The following DUS4L variants were observed in gnomAD, a reference collection of about 807,000 sequenced individuals.
The protein encoded by DUS4L is tRNA-dihydrouridine(20a/20b) synthase [NAD(P)+]-like.
DUS4L carries 31 observed loss-of-function variants against 33.8 expected under a neutral mutation model. The observed-to-expected ratio is 0.92, with a 90% confidence interval of 0.69 to 1.24. The LOEUF (loss-of-function observed/expected upper bound fraction) is 1.24, where lower values mean the gene tolerates loss of function less well. Among genes scored for constraint, DUS4L ranks in the 50% most tolerant of loss-of-function variants. DUS4L has a pLI of 0.00. For synonymous variants in DUS4L, 103 were observed against 120.3 expected, an observed-to-expected ratio of 0.86 and a Z score of 0.94; for missense variants, 368 against 388.6, an observed-to-expected ratio of 0.95 and a Z score of 0.45.
Position 107,567,062 on chromosome 7 carries a change from T to C in DUS4L, c.-9T>C, listed in dbSNP as rs765804979. On this transcript the variant is annotated 5_prime_UTR_variant, in exon 3 of 8. Transcript: ENST00000265720. ...TTGTCTTTTTCAGATTTGAAACATA[T>C]CTGTATTAATGAAGAGTGACTGCAT... is the stretch of plus-strand genomic sequence containing the variant. 2.7e-5 allele frequency: 43 copies of C among 1,602,898 alleles called. No homozygotes were observed. The highest frequency in any genetic ancestry group is 3.5e-5 in the Non-Finnish European group (41 of 1,172,574).
rs1333838712 is a variant in DUS4L at position 107,577,948 on chromosome 7, TTAAC to T, written c.*389_*392del. 1.9e-5 allele frequency: 3 copies of T among 154,874 alleles called. No individual in the cohort carries two copies. Among genetic ancestry groups the T allele is most frequent in the African/African-American group, 7.2e-5 (3 of 41,456 alleles). 9.6% of individuals were successfully genotyped at this position (154,874 alleles called of 1,614,324 possible). A position where few individuals can be genotyped will look rare whatever the true frequency, so the allele number is the denominator to read the frequency against. Reference sequence around the variant, plus strand: ...AATTATGGCTTATAGTATCTATAAATTAACAAGAAGTATGCAGGTGCAAAAAAGT... The same window carrying T: ...AATTATGGCTTATAGTATCTATAAATAAGAAGTATGCAGGTGCAAAAAAGT... On this transcript the variant is annotated 3_prime_UTR_variant, in exon 8 of 8. Transcript: ENST00000265720.
In DUS4L at chr7:107,577,453, A is replaced by T. The variant is rs760174336; in HGVS notation, c.847A>T (p.Met283Leu). ...TPYMCFHQHL[M>L]YMMEKITSRQ... Reference sequence around the variant, plus strand: ...TTACATGTGTTTCCATCAACATTTAATGTACATGATGGAAAAGATAACTTC... The same window carrying T: ...TTACATGTGTTTCCATCAACATTTATTGTACATGATGGAAAAGATAACTTC... The change falls in exon 8 of 8, where the codon ATG becomes TTG. Residue 283 changes from methionine to leucine, a missense_variant. By Grantham distance (15) the Met-to-Leu change is conservative (BLOSUM62 2). Transcript: ENST00000265720. 4.3e-6 allele frequency: 7 copies of T among 1,614,194 alleles called. No homozygotes were observed. Among genetic ancestry groups the T allele is most frequent in the Non-Finnish European group, 5.9e-6 (7 of 1,180,034 alleles).
In DUS4L at chr7:107,575,328, A is replaced by T. The variant is rs139312743; in HGVS notation, c.479+18A>T. Reference sequence around the variant, plus strand: ...AAAATAAGGTAAAGACAATATTTCAATCTATTGATAGGATAATCCATTACT... The same window carrying T: ...AAAATAAGGTAAAGACAATATTTCATTCTATTGATAGGATAATCCATTACT... On this transcript the variant is annotated intron_variant, in intron 6 of 7. Coordinates refer to ENST00000265720, the MANE Select transcript of DUS4L (RefSeq NM_181581.3). 7 of 1,607,156 alleles carry T rather than the reference A, an allele frequency of 4.4e-6. No homozygotes were observed. The highest frequency in any genetic ancestry group is 1.7e-4 in the Middle Eastern group (1 of 6,008).
rs1298736256 is a variant in DUS4L, at chr7:107,568,889, C to T, written c.116+1703C>T. 4.6e-5 allele frequency among the ~76,000 whole-genome samples: 7 copies of T among 152,318 alleles called. No individual in the cohort carries two copies. In the East Asian group the frequency reaches 9.7e-4, roughly 21 times the overall value. Reference sequence around the variant, plus strand: ...TAGGTTGCCTATGGATGTCCAATTACTCCAGCATCATTTTTGAAAGGCTAT... The same window carrying T: ...TAGGTTGCCTATGGATGTCCAATTATTCCAGCATCATTTTTGAAAGGCTAT... On this transcript the variant is annotated intron_variant, in intron 3 of 7. Coordinates refer to ENST00000265720, the MANE Select transcript of DUS4L (RefSeq NM_181581.3).
intron 3 of DUS4L, among the ~76,000 whole-genome samples, chr7:107,568,092 C>T (rs530480623): frequency 2.0e-5 from 3 of 152,274 alleles, no homozygotes; most frequent in East Asian, 3.9e-4. Context: ...TTGGCTACTG[C>T]AAATAATACT....
At chr7:107,571,868 C>T (rs1252677611) in intron 4 of DUS4L, among the ~76,000 whole-genome samples, 1 of 152,156 alleles carries the variant, frequency 6.6e-6, no homozygotes, top group East Asian at 1.9e-4. Flanking sequence ...TCAGTTTCTC[C>T]CCACACCCCA....
At chr7:107,566,312 G>A (rs1804688537) in intron 2 of DUS4L, among the ~76,000 whole-genome samples, 1 of 151,958 alleles carries the variant, frequency 6.6e-6, no homozygotes, top group Non-Finnish European at 1.5e-5. Flanking sequence ...CTGTTTCTAA[G>A]TTACTGAGGC....
At chr7:107,564,283 G>GT (rs1361035630) in intron 1 of DUS4L, 74 bp downstream of exon 1, 9 of 494,862 alleles carry the variant, frequency 1.8e-5, no homozygotes, top group Admixed American at 3.4e-5. Context: ...GCCGCGCGGC[G>GT]TAAGGCAGGA....
intron 4 of DUS4L, 144 bp downstream of exon 4, chr7:107,571,410 T>C (rs1805221781): frequency 8.1e-7 from 1 of 1,229,808 alleles, no homozygotes; most frequent in South Asian, 1.6e-5. Flanking sequence ...ATTTTTTACA[T>C]GTTATTACTG....
At chr7:107,576,877 G>A in intron 7 of DUS4L, 1 of 325,614 alleles carries the variant, frequency 3.1e-6, no homozygotes, top group Middle Eastern at 9.1e-4. Context: ...AAAGCACCTA[G>A]AAATAAGAGT....
At position 107,564,088 on chromosome 7, in the gene DUS4L, G is replaced by C; in HGVS notation, c.-232G>C. The C allele has an allele frequency of 7.6e-7, 1 of 1,319,626 alleles. No individual in the cohort carries two copies. Among genetic ancestry groups the C allele is most frequent in the Non-Finnish European group, 1.0e-6 (1 of 953,590 alleles). The allele number at this position is 1,319,626 out of a possible 1,614,324, so 81.7% of individuals were successfully genotyped here. On this transcript the variant is annotated 5_prime_UTR_variant, in exon 1 of 8. Coordinates refer to ENST00000265720, the MANE Select transcript of DUS4L (RefSeq NM_181581.3). Reference sequence around the variant, plus strand: ...CTCGAGCAGTGGGCGCCCAGGGTCCGAGTGCTCTGCGCCCAGCGCACCGAG... The same window carrying C: ...CTCGAGCAGTGGGCGCCCAGGGTCCCAGTGCTCTGCGCCCAGCGCACCGAG...
At chr7:107,569,080 A>G (rs908993736) in intron 3 of DUS4L, among the ~76,000 whole-genome samples, 20 of 152,198 alleles carry the variant, frequency 1.3e-4, no homozygotes, top group African/African-American at 4.6e-4. Flanking sequence ...GGCGCATGCC[A>G]ATAGTCCCAG....
intron 3 of DUS4L, among the ~76,000 whole-genome samples, chr7:107,569,184 C>G (rs1804975421): frequency 6.6e-6 from 1 of 152,154 alleles, no homozygotes; most frequent in Non-Finnish European, 1.5e-5. Context: ...GCCTGGGCAA[C>G]AAGAGTAAAA....
chr7:107,568,296 C>T (rs1354770407), intron 3 of DUS4L, among the ~76,000 whole-genome samples: 2 of 152,198 alleles, frequency 1.3e-5, no homozygotes, highest in African/African-American at 2.4e-5. Context: ...TGTTACCTTA[C>T]CACCAGCAGT....
In DUS4L at chr7:107,564,102, C is replaced by T. The variant is rs978790855; in HGVS notation, c.-218C>T. On this transcript the variant is annotated 5_prime_UTR_variant, in exon 1 of 8. Coordinates refer to ENST00000265720, the MANE Select transcript of DUS4L (RefSeq NM_181581.3). Reference sequence around the variant, plus strand: ...GCCCAGGGTCCGAGTGCTCTGCGCCCAGCGCACCGAGGGAGCCAAGGCCGT... The same window carrying T: ...GCCCAGGGTCCGAGTGCTCTGCGCCTAGCGCACCGAGGGAGCCAAGGCCGT... 8.9e-6 allele frequency: 11 copies of T among 1,233,580 alleles called. No individual in the cohort carries two copies. The highest frequency in any genetic ancestry group is 1.2e-5 in the Non-Finnish European group (11 of 880,742). The allele number at this position is 1,233,580 out of a possible 1,614,324, so 76.4% of individuals were successfully genotyped here. A position where few individuals can be genotyped will look rare whatever the true frequency, so the allele number is the denominator to read the frequency against.
chr7:107,569,301 C>CT (rs1236638816), intron 3 of DUS4L, among the ~76,000 whole-genome samples: 3 of 152,206 alleles, frequency 2.0e-5, no homozygotes, highest in Admixed American at 6.5e-5. Flanking sequence ...GATCTTGTAT[C>CT]TTTTTCCCCA....
chr7:107,571,346 C>T, intron 4 of DUS4L, 80 bp downstream of exon 4: 9 of 1,511,118 alleles, frequency 6.0e-6, no homozygotes, highest in Non-Finnish European at 8.0e-6. Context: ...AGAAACAACA[C>T]AATTTAGAGA....
intron 5 of DUS4L, among the ~76,000 whole-genome samples, chr7:107,574,279 A>G (rs1056900186): frequency 1.3e-5 from 2 of 151,412 alleles, no homozygotes; most frequent in African/African-American, 4.9e-5. Context: ...TTTCTATACC[A>G]CAGTTACTTG....
intron 5 of DUS4L, 55 bp downstream of exon 5, chr7:107,573,876 T>G: frequency 7.0e-7 from 1 of 1,424,482 alleles, no homozygotes; most frequent in Non-Finnish European, 9.2e-7. Context: ...AAAAACTGTG[T>G]GAACATGGTA....
Sources: gnomAD v4.1 joint callset for allele counts (sites outside exome capture counted in the v4.1 genomes callset) on GRCh38, gnomAD v4.1.1 for gene constraint, MANE v1.5 for transcripts, NCBI Gene and HGNC (gene_info 2026-07-23, HGNC 2026-07-21) for gene names.